Variants in DHRS4L2 observed in about 807,000 individuals in gnomAD.
DHRS4L2 encodes dehydrogenase/reductase 4 like 2.
In DHRS4L2, 22 loss-of-function variants were observed where a neutral mutation model predicts 23.9. That is an observed-to-expected ratio of 0.92 (90% CI 0.66 to 1.31). The LOEUF is 1.31. DHRS4L2 is among the 40% of genes most tolerant of loss of function. The pLI, the probability that DHRS4L2 is intolerant of heterozygous loss-of-function variation, is 0.00. For missense variants in DHRS4L2, 385 were observed against 303.3 expected (o/e 1.27, Z -2.00); for synonymous variants, 141 against 123.7 (o/e 1.14, Z -0.93).
chr14:23,989,429 C>T lies in DHRS4L2; in HGVS notation c.128+354C>T, dbSNP rs577577534. On this transcript the variant is annotated intron_variant, in intron 1 of 7. Coordinates refer to ENST00000335125, the MANE Select transcript of DHRS4L2 (RefSeq NM_198083.4). ...TGGATTCAAAATCTTATAACAAGGC[C>T]TCCAGCTTTTTGAAAATGTACCATT... 1.1e-4 allele frequency among the ~76,000 whole-genome samples: 16 copies of T among 151,666 alleles called. 2 individuals are homozygous for T. The South Asian group carries it at 3.1e-3, about 30-fold the overall frequency.
intron 2 of DHRS4L2, among the ~76,000 whole-genome samples, chr14:23,992,217 G>A (rs546748652): frequency 1.5e-4 from 23 of 151,660 alleles, no homozygotes; most frequent in Non-Finnish European, 2.4e-4. Flanking sequence ...CGAATCCAGG[G>A]CATCAGTGAG....
At chr14:23,992,189 G>C (rs1455060726) in intron 2 of DHRS4L2, among the ~76,000 whole-genome samples, 1 of 151,598 alleles carries the variant, frequency 6.6e-6, no homozygotes, top group Admixed American at 6.6e-5. Flanking sequence ...TGGTAGGAAG[G>C]ATATACAGAG....
intron 3 of DHRS4L2, among the ~76,000 whole-genome samples, chr14:23,999,722 C>G (rs2034451651): frequency 1.6e-5 from 2 of 126,994 alleles, no homozygotes; most frequent in Admixed American, 1.6e-4. Context: ...TGTGATGGAG[C>G]CTCACTCTGT....
intron 1 of DHRS4L2, among the ~76,000 whole-genome samples, chr14:23,980,891 G>T (rs1396333337): frequency 1.3e-5 from 2 of 151,620 alleles, no homozygotes; most frequent in Non-Finnish European, 2.9e-5. Context: ...TTGAAAATCG[G>T]CACAAGACAA....
At chr14:23,974,206 C>T (rs2033922468) in intron 1 of DHRS4L2, among the ~76,000 whole-genome samples, 2 of 151,634 alleles carry the variant, frequency 1.3e-5, no homozygotes, top group South Asian at 4.2e-4. Context: ...CCAATGAGAA[C>T]AAAGACACAG....
At chr14:23,986,889 T>C (rs555974453), upstream of DHRS4L2, among the ~76,000 whole-genome samples, 3 of 151,694 alleles carry the variant, frequency 2.0e-5, no homozygotes, top group African/African-American at 7.2e-5. Context: ...ACAAGGAGTG[T>C]GGCGCTTCCA....
chr14:24,004,741 G>A (rs1295651284), intron 7 of DHRS4L2: 3 of 355,346 alleles, frequency 8.4e-6, no homozygotes, highest in African/African-American at 3.7e-5. Flanking sequence ...AATGACACAT[G>A]TTTACAAAAC....
At position 24,001,497 on chromosome 14, in the gene DHRS4L2, A is replaced by G. The variant is rs767213434; in HGVS notation, c.645A>G (p.Ser215=). ...TGAACTGCCTGCACCTGGACTTATC[A>G]AGACTAGCTTCAGCAGGATGGTGAG... ...IRVNCLHLDL[S]RLASAGCSGW... Residue 215 remains serine, a synonymous_variant, in exon 6 of 8, where the codon TCA becomes TCG. Transcript: ENST00000335125. 2.5e-6 allele frequency: 4 copies of G among 1,602,862 alleles called. No homozygotes were observed. Among genetic ancestry groups the G allele is most frequent in the Admixed American group, 1.7e-5 (1 of 59,472 alleles).
intron 3 of DHRS4L2, among the ~76,000 whole-genome samples, chr14:23,998,506 G>C (rs1447338705): frequency 1.3e-5 from 2 of 150,134 alleles, no homozygotes; most frequent in African/African-American, 2.4e-5. Flanking sequence ...AATGATCTTA[G>C]CTAGATCTTC....
intron 1 of DHRS4L2, among the ~76,000 whole-genome samples, chr14:23,970,720 G>C (rs2033838442): frequency 6.6e-6 from 1 of 152,026 alleles, no homozygotes; most frequent in South Asian, 2.1e-4. Context: ...GACCAGTAGG[G>C]GCGGAGAGAC....
chr14:23,970,256 C>G lies in DHRS4L2; in HGVS notation c.-252C>G, dbSNP rs754336325. 40 of 451,872 alleles carry G rather than the reference C, an allele frequency of 8.9e-5. 1 individual carries two copies. The highest frequency in any genetic ancestry group is 1.3e-4 in the Non-Finnish European group (29 of 226,208). 28.0% of individuals were successfully genotyped at this position (451,872 alleles called of 1,614,324 possible). A position where few individuals can be genotyped will look rare whatever the true frequency, so the allele number is the denominator to read the frequency against. On this transcript the variant is annotated 5_prime_UTR_variant, in exon 1 of 6. Transcript: ENST00000534993. ...CACCCCGCTACCCCAAGCATCCAGA[C>G]TCTAAGGCAGCCCCTGCATCTCAGT...
At chr14:23,985,160 G>A (rs2138523319), upstream of DHRS4L2, among the ~76,000 whole-genome samples, 1 of 151,594 alleles carries the variant, frequency 6.6e-6, no homozygotes, top group South Asian at 2.1e-4. Context: ...AAGCGAGTTT[G>A]CCCACATTTT....
Position 23,973,073 on chromosome 14 carries a change from A to G in DHRS4L2, c.-176+2741A>G, listed in dbSNP as rs76125687. On this transcript the variant is annotated intron_variant, in intron 1 of 5. Coordinates refer to the DHRS4L2 transcript ENST00000534993. ...AGACATTTAGTTCCCATGGGCAGGC[A>G]GGAGACAGTGGCCTTCCTCTATCTC... 3.2e-4 allele frequency among the ~76,000 whole-genome samples: 49 copies of G among 152,002 alleles called. No homozygotes were observed. In the East Asian group the frequency reaches 9.1e-3, roughly 28 times the overall value.
At chr14:23,996,873 G>A (rs2034393579) in intron 3 of DHRS4L2, among the ~76,000 whole-genome samples, 1 of 152,062 alleles carries the variant, frequency 6.6e-6, no homozygotes, top group Admixed American at 6.5e-5. Context: ...GGCCTCAACT[G>A]ATCCCCACAC....
intron 3 of DHRS4L2, among the ~76,000 whole-genome samples, chr14:23,998,525 T>C (rs977863873): frequency 4.0e-5 from 6 of 150,720 alleles, no homozygotes; most frequent in Non-Finnish European, 7.4e-5. Flanking sequence ...TCTGGATAAC[T>C]GGCTGCAGCT....
In DHRS4L2 at chr14:23,971,834, C is replaced by T. The variant is rs868130857; in HGVS notation, c.-176+1502C>T. ...ACAATAAGAGCTCCTGAAGGAAGCA[C>T]TAAACATGGAAAGGAACAACGGGTA... On this transcript the variant is annotated intron_variant, in intron 1 of 5. Coordinates refer to the DHRS4L2 transcript ENST00000534993. Among the ~76,000 whole-genome samples the T allele has an allele frequency of 3.3e-5, 5 of 152,036 alleles. No homozygotes were observed. In the Middle Eastern group the frequency reaches 0.01, roughly 310 times the overall value.
At chr14:23,986,439 A>G (rs74828551), upstream of DHRS4L2, among the ~76,000 whole-genome samples, 11,816 of 150,968 alleles carry the variant, frequency 0.078, 758 homozygotes, top group East Asian at 0.22. Flanking sequence ...GCACACCAAC[A>G]TGGCACATGT....
chr14:23,983,357 C>T (rs2034085911), intron 1 of DHRS4L2, among the ~76,000 whole-genome samples: 1 of 151,616 alleles, frequency 6.6e-6, no homozygotes, highest in South Asian at 2.1e-4. Flanking sequence ...GTTAGAATGG[C>T]AATCATTAAA....
At chr14:23,998,618 G>C (rs1438281688) in intron 3 of DHRS4L2, among the ~76,000 whole-genome samples, 1 of 151,562 alleles carries the variant, frequency 6.6e-6, no homozygotes, top group Non-Finnish European at 1.5e-5. Context: ...ACCACTGCTA[G>C]CTTCCAACTT....
Sources: gnomAD v4.1 joint callset for allele counts (sites outside exome capture counted in the v4.1 genomes callset) on GRCh38, gnomAD v4.1.1 for gene constraint, MANE v1.5 for transcripts, NCBI Gene and HGNC (gene_info 2026-07-23, HGNC 2026-07-21) for gene names.